The following MECOM variants were observed in gnomAD, a reference collection of about 807,000 sequenced individuals.
MECOM encodes MDS1 and EVI1 complex locus, also known as histone-lysine N-methyltransferase MECOM.
In MECOM, 13 loss-of-function variants were observed where a neutral mutation model predicts 116.3. The ratio of observed to expected loss-of-function variants is 0.11; its 90% CI spans 0.07 to 0.18. The LOEUF (loss-of-function observed/expected upper bound fraction) is 0.18. Ranked by LOEUF, MECOM falls within the 10% of genes least tolerant of loss-of-function variation. MECOM has a pLI of 1.00. For missense variants in MECOM, 1,299 were observed against 1,509.0 expected, an observed-to-expected ratio of 0.86 and a Z score of 2.31; for synonymous variants, 528 against 535.2, an observed-to-expected ratio of 0.99 and a Z score of 0.19.
intron 2 of MECOM, among the ~76,000 whole-genome samples, chr3:169,220,734 CA>C (rs1201073847): frequency 6.6e-6 from 1 of 152,116 alleles, no homozygotes; most frequent in Non-Finnish European, 1.5e-5. Context: ...CTGGGTCTTC[CA>C]AAATGCTGGG....
intron 6 of MECOM, among the ~76,000 whole-genome samples, chr3:169,121,798 G>C: frequency 6.6e-6 from 1 of 150,412 alleles, no homozygotes; most frequent in East Asian, 1.9e-4. Flanking sequence ...ATTTTTATGA[G>C]AAAAAAACAT....
chr3:169,459,215 AAC>A (rs992131993), intron 1 of MECOM, among the ~76,000 whole-genome samples: 2 of 152,344 alleles, frequency 1.3e-5, no homozygotes, highest in African/African-American at 4.8e-5. Flanking sequence ...GTAAACCTCA[AAC>A]ATAATTATTT....
chr3:169,642,748 A>T (rs1773658463), intron 1 of MECOM, among the ~76,000 whole-genome samples: 1 of 151,936 alleles, frequency 6.6e-6, no homozygotes, highest in Non-Finnish European at 1.5e-5. Flanking sequence ...AAAAAAAAAA[A>T]ATAGAAAGTA....
intron 2 of MECOM, among the ~76,000 whole-genome samples, chr3:169,350,794 T>C (rs971293905): frequency 6.6e-6 from 1 of 151,862 alleles, no homozygotes; most frequent in African/African-American, 2.4e-5. Flanking sequence ...TATGGCTGTG[T>C]ATTTACCACA....
chr3:169,134,042 C>A, intron 3 of MECOM: 1 of 903,286 alleles, frequency 1.1e-6, no homozygotes. Flanking sequence ...GAGACAATAC[C>A]CTACAAGACA....
At chr3:169,567,364 C>G (rs897985574) in intron 1 of MECOM, among the ~76,000 whole-genome samples, 1 of 152,250 alleles carries the variant, frequency 6.6e-6, no homozygotes, top group African/African-American at 2.4e-5. Flanking sequence ...ACTCTCGTAG[C>G]TAGCATGTGG....
At chr3:169,353,932 A>G (rs1348614571) in intron 2 of MECOM, among the ~76,000 whole-genome samples, 2 of 151,818 alleles carry the variant, frequency 1.3e-5, no homozygotes, top group African/African-American at 2.4e-5. Flanking sequence ...TTCCTAATAT[A>G]TAGGCAAGTC....
chr3:169,257,261 G>T (rs1051462654), intron 2 of MECOM, among the ~76,000 whole-genome samples: 1 of 152,104 alleles, frequency 6.6e-6, no homozygotes, highest in Non-Finnish European at 1.5e-5. Flanking sequence ...TAAGAAATTG[G>T]TCATCCCTTT....
intron 2 of MECOM, among the ~76,000 whole-genome samples, chr3:169,157,129 T>C (rs1742118253): frequency 6.6e-6 from 1 of 152,184 alleles, no homozygotes; most frequent in Non-Finnish European, 1.5e-5. Flanking sequence ...CTGTGATTAA[T>C]TTGTGTTCTA....
Position 169,155,611 on chromosome 3 carries a change from G to A in MECOM, c.376-11779C>T, listed in dbSNP as rs184662392. ...AAGAGCAAAAAACAGAAGAAAAACC[G>A]CACTAACAAAAACTCCAATGGATCC... On this transcript the variant is annotated intron_variant, in intron 2 of 16. Transcript: ENST00000651503. Among the ~76,000 whole-genome samples, 714 of 152,154 alleles carry A rather than the reference G, an allele frequency of 4.7e-3. 3 individuals are homozygous for A. The highest frequency in any genetic ancestry group is 5.7e-3 in the Non-Finnish European group (387 of 67,992).
chr3:169,540,065 G>T (rs567060752), intron 1 of MECOM, among the ~76,000 whole-genome samples: 8 of 152,154 alleles, frequency 5.3e-5, no homozygotes, highest in African/African-American at 1.9e-4. Flanking sequence ...CTCTTCTCAT[G>T]TACGCTCTCT....
At chr3:169,642,434 G>A (rs1410931910) in intron 1 of MECOM, among the ~76,000 whole-genome samples, 5 of 142,990 alleles carry the variant, frequency 3.5e-5, no homozygotes, top group Admixed American at 7.2e-5. Flanking sequence ...GCAACAGAGC[G>A]AGACTCCATC....
intron 1 of MECOM, among the ~76,000 whole-genome samples, chr3:169,622,836 G>A (rs1770917623): frequency 1.3e-5 from 2 of 152,140 alleles, no homozygotes; most frequent in Non-Finnish European, 2.9e-5. Flanking sequence ...GGGTCAGACT[G>A]CCCAGGTCAT....
chr3:169,610,270 A>G (rs1359920646), intron 1 of MECOM, among the ~76,000 whole-genome samples: 1 of 152,188 alleles, frequency 6.6e-6, no homozygotes, highest in African/African-American at 2.4e-5. Flanking sequence ...ACGATCTACT[A>G]GGGTTGCCAA....
chr3:169,576,832 C>CAGAGAGAG (rs1200979108), intron 1 of MECOM, among the ~76,000 whole-genome samples: 4 of 102,056 alleles, frequency 3.9e-5, no homozygotes, highest in East Asian at 5.4e-4. Context: ...CACACACACA[C>CAGAGAGAG]ACACACAGAG....
rs114898445 is a variant in MECOM, at chr3:169,277,931, G to A, written c.375+103256C>T. ...CAAATCCATTCCATTAATCATGGAC[G>A]TCTCAGAGTTTTCTTTCCTAACCCT... On this transcript the variant is annotated intron_variant, in intron 2 of 16. Coordinates refer to ENST00000651503, the MANE Select transcript of MECOM (RefSeq NM_004991.4). Among the ~76,000 whole-genome samples the A allele has an allele frequency of 8.9e-4, 136 of 152,232 alleles. 1 individual carries two copies. The Middle Eastern group carries it at 0.02, about 23-fold the overall frequency.
chr3:169,657,130 A>T (rs1300665024), intron 1 of MECOM, among the ~76,000 whole-genome samples: 1 of 152,238 alleles, frequency 6.6e-6, no homozygotes, highest in East Asian at 1.9e-4. Flanking sequence ...AACCATTTAG[A>T]ACACATCAGT....
At chr3:169,403,095 T>C (rs1736145282) in intron 1 of MECOM, among the ~76,000 whole-genome samples, 1 of 152,210 alleles carries the variant, frequency 6.6e-6, no homozygotes, top group Non-Finnish European at 1.5e-5. Flanking sequence ...ATGCAGGAAA[T>C]CCTGCAAAAT....
intron 1 of MECOM, among the ~76,000 whole-genome samples, chr3:169,397,328 A>T (rs776111062): frequency 6.6e-6 from 1 of 152,230 alleles, no homozygotes; most frequent in Non-Finnish European, 1.5e-5. Context: ...ACGTTGGAGG[A>T]AGGTTTACAT....
Sources: gnomAD v4.1 joint callset for allele counts (sites outside exome capture counted in the v4.1 genomes callset) on GRCh38, gnomAD v4.1.1 for gene constraint, MANE v1.5 for transcripts, NCBI Gene and HGNC (gene_info 2026-07-23, HGNC 2026-07-21) for gene names.